Variants in AUTS2 observed in about 807,000 individuals in gnomAD.
AUTS2 encodes the protein autism susceptibility gene 2 protein.
In AUTS2, 17 loss-of-function variants were observed where a neutral mutation model predicts 112.4. That is an observed-to-expected ratio of 0.15 (90% CI 0.10 to 0.23). The LOEUF (loss-of-function observed/expected upper bound fraction) is 0.23, where lower values mean the gene tolerates loss of function less well. AUTS2 is among the 10% of genes least tolerant of loss of function. The pLI is 1.00. For missense variants in AUTS2, 1,510 were observed against 1,701.6 expected (o/e 0.89, Z 1.98); for synonymous variants, 751 against 702.7 (o/e 1.07, Z -1.09).
intron 4 of AUTS2, among the ~76,000 whole-genome samples, chr7:70,391,789 C>G (rs1562931081): frequency 1.3e-5 from 2 of 152,204 alleles, no homozygotes; most frequent in Non-Finnish European, 2.9e-5. Flanking sequence ...CTTGCATTCT[C>G]TCTGTTTTTT....
At chr7:69,643,009 C>T (rs898765182) in intron 1 of AUTS2, among the ~76,000 whole-genome samples, 1 of 152,144 alleles carries the variant, frequency 6.6e-6, no homozygotes, top group East Asian at 1.9e-4. Context: ...CTCACTTACA[C>T]GCTTGACTAT....
intron 4 of AUTS2, among the ~76,000 whole-genome samples, chr7:70,316,113 A>G (rs1789983457): frequency 6.6e-6 from 1 of 152,256 alleles, no homozygotes; most frequent in African/African-American, 2.4e-5. Flanking sequence ...TAGGAAGTGT[A>G]GTAAGTCATA....
At chr7:70,016,748 A>G (rs1288932490) in intron 2 of AUTS2, among the ~76,000 whole-genome samples, 4 of 150,996 alleles carry the variant, frequency 2.6e-5, no homozygotes, top group African/African-American at 7.3e-5. Flanking sequence ...GCTTACTGCA[A>G]CCTCCACCTC....
chr7:70,399,191 G>C (rs1794219858), intron 4 of AUTS2, among the ~76,000 whole-genome samples: 1 of 151,396 alleles, frequency 6.6e-6, no homozygotes, highest in Non-Finnish European at 1.5e-5. Context: ...GTTCTCCCTA[G>C]GTTGCCCAGG....
At chr7:70,270,124 C>T (rs748926323) in intron 4 of AUTS2, among the ~76,000 whole-genome samples, 23 of 152,152 alleles carry the variant, frequency 1.5e-4, no homozygotes, top group Non-Finnish European at 2.5e-4. Flanking sequence ...TGCCTATCCC[C>T]TCTATCCTAA....
At chr7:70,506,878 C>T (rs1044684557) in intron 5 of AUTS2, among the ~76,000 whole-genome samples, 4 of 152,194 alleles carry the variant, frequency 2.6e-5, no homozygotes, top group African/African-American at 9.7e-5. Flanking sequence ...CATGTGGAGT[C>T]CCCTCTGTGC....
chr7:70,636,809 A>G (rs1172935935), intron 5 of AUTS2, among the ~76,000 whole-genome samples: 2 of 151,622 alleles, frequency 1.3e-5, no homozygotes, highest in African/African-American at 2.4e-5. Context: ...ACCATGCCCA[A>G]GTAATTTTTT....
chr7:69,851,489 A>G (rs1182200764), intron 1 of AUTS2, among the ~76,000 whole-genome samples: 3 of 152,158 alleles, frequency 2.0e-5, no homozygotes, highest in East Asian at 3.9e-4. Context: ...GACACAAGCA[A>G]TCCCCCCACC....
chr7:69,910,663 A>G (rs1040172482), intron 2 of AUTS2, among the ~76,000 whole-genome samples: 5 of 152,044 alleles, frequency 3.3e-5, no homozygotes, highest in Admixed American at 6.6e-5. Flanking sequence ...GAGTCTTGCT[A>G]TGTCACCCAG....
intron 5 of AUTS2, among the ~76,000 whole-genome samples, chr7:70,540,362 G>A (rs1031889502): frequency 3.3e-5 from 5 of 152,182 alleles, no homozygotes; most frequent in South Asian, 2.1e-4. Context: ...GCCTTGTAAT[G>A]GGAACAGCCT....
intron 4 of AUTS2, among the ~76,000 whole-genome samples, chr7:70,175,000 C>T (rs533443406): frequency 3.9e-5 from 6 of 152,172 alleles, no homozygotes; most frequent in East Asian, 1.9e-4. Flanking sequence ...CTTTAGCCAC[C>T]GTAATTAGTG....
intron 1 of AUTS2, among the ~76,000 whole-genome samples, chr7:69,706,591 C>T (rs900386617): frequency 5.9e-5 from 9 of 152,188 alleles, no homozygotes; most frequent in African/African-American, 1.7e-4. Flanking sequence ...ATTTACTTGA[C>T]TCAAATATTT....
chr7:70,480,554 T>C, intron 5 of AUTS2, among the ~76,000 whole-genome samples: 1 of 152,176 alleles, frequency 6.6e-6, no homozygotes, highest in Non-Finnish European at 1.5e-5. Flanking sequence ...GGTCATCTTT[T>C]CCTGAGCATC....
intron 14 of AUTS2, among the ~76,000 whole-genome samples, chr7:70,780,602 C>T (rs958160030): frequency 1.3e-5 from 2 of 152,158 alleles, no homozygotes; most frequent in East Asian, 1.9e-4. Context: ...CCTTCAACTC[C>T]TGAGCTCAGG....
At chr7:69,977,782 A>G (rs910049767) in intron 2 of AUTS2, among the ~76,000 whole-genome samples, 5 of 151,912 alleles carry the variant, frequency 3.3e-5, no homozygotes, top group African/African-American at 9.7e-5. Context: ...TGTTTTTTCA[A>G]CTCCAAATCT....
intron 1 of AUTS2, among the ~76,000 whole-genome samples, chr7:69,873,308 A>T (rs1584372043): frequency 6.6e-6 from 1 of 152,058 alleles, no homozygotes; most frequent in South Asian, 2.1e-4. Context: ...AGGAGCTGGG[A>T]AATTTAGTAA....
rs1267601815 is a variant in AUTS2, at chr7:69,729,206, T to C, written c.309+129244T>C. On this transcript the variant is annotated intron_variant, in intron 1 of 18. Coordinates refer to ENST00000342771, the MANE Select transcript of AUTS2 (RefSeq NM_015570.4). ...AGGATATATATACATATATAATACA[T>C]ACATATGTATGCTCTTTCAAGGCAG... Among the ~76,000 whole-genome samples, 3 of 150,970 alleles carry C rather than the reference T, an allele frequency of 2.0e-5. No homozygotes were observed. In the East Asian group the frequency reaches 5.8e-4, roughly 29 times the overall value.
chr7:69,615,996 G>C (rs1183127170), intron 1 of AUTS2, among the ~76,000 whole-genome samples: 4 of 152,184 alleles, frequency 2.6e-5, no homozygotes, highest in Non-Finnish European at 4.4e-5. Context: ...CTGCTAGACT[G>C]GATGATAGAG....
At chr7:70,393,587 A>T (rs991496835) in intron 4 of AUTS2, among the ~76,000 whole-genome samples, 1 of 151,974 alleles carries the variant, frequency 6.6e-6, no homozygotes, top group African/African-American at 2.4e-5. Context: ...CTGTTCATTG[A>T]TCTGGTCCTC....
Sources: gnomAD v4.1 joint callset for allele counts (sites outside exome capture counted in the v4.1 genomes callset) on GRCh38, gnomAD v4.1.1 for gene constraint, MANE v1.5 for transcripts, NCBI Gene and HGNC (gene_info 2026-07-23, HGNC 2026-07-21) for gene names.